Variants in ZFP69 observed in about 807,000 individuals in gnomAD.
ZFP69 encodes ZFP69 zinc finger protein, also known as zinc finger protein 69 homolog.
In ZFP69, 35 loss-of-function variants were observed where a neutral mutation model predicts 48.9. The observed-to-expected ratio is 0.72, with a 90% CI of 0.55 to 0.95. The LOEUF (loss-of-function observed/expected upper bound fraction) is 0.95, where lower values mean the gene tolerates loss of function less well. ZFP69 is among the 40% of genes least tolerant of loss of function. The pLI, the probability that ZFP69 is intolerant of heterozygous loss-of-function variation, is 0.00. For synonymous variants in ZFP69, 193 were observed against 216.8 expected, an observed-to-expected ratio of 0.89 and a Z score of 0.96; for missense variants, 557 against 638.4, an observed-to-expected ratio of 0.87 and a Z score of 1.37.
At chr1:40,491,785 G>GTGTGTATGTA (rs1553129570) in intron 5 of ZFP69, among the ~76,000 whole-genome samples, 3 of 148,752 alleles carry the variant, frequency 2.0e-5, no homozygotes, top group African/African-American at 7.5e-5. Context: ...GTGTGTGTGT[G>GTGTGTATGTA]TATATATATA....
chr1:40,484,883 C>CTTTTT lies in ZFP69; in HGVS notation c.219+3051_219+3055dup, dbSNP rs71060386. ...GGCATGAGCCACTGCGCCTGGCCTG[C>CTTTTT]TTTTTTTTTTTTTTTTTTTTTTTTT... On this transcript the variant is annotated intron_variant, in intron 3 of 5. Transcript: ENST00000372706. Among the ~76,000 whole-genome samples, 37 of 44,384 alleles carry CTTTTT rather than the reference C, an allele frequency of 8.3e-4. 12 individuals carry two copies. The highest frequency in any genetic ancestry group is 3.9e-3 in the African/African-American group (35 of 9,046). 29.1% of individuals were successfully genotyped at this position (44,384 alleles called of 152,430 possible). A position where few individuals can be genotyped will look rare whatever the true frequency, so the allele number is the denominator to read the frequency against.
At chr1:40,494,307 C>G (rs1279171980) in intron 5 of ZFP69, among the ~76,000 whole-genome samples, 1 of 112,884 alleles carries the variant, frequency 8.9e-6, no homozygotes, top group Admixed American at 1.3e-4. Context: ...CTCGCTCTGT[C>G]GCCCAGGCTG....
rs1645627816 is a variant in ZFP69, at chr1:40,495,855, T to C, written c.1377T>C (p.Thr459=). 4 of 1,614,140 alleles carry C rather than the reference T, an allele frequency of 2.5e-6. No individual in the cohort carries two copies. The highest frequency in any genetic ancestry group is 2.5e-6 in the Non-Finnish European group (3 of 1,180,026). Residue 459 remains threonine, a synonymous_variant, in exon 6 of 6, where the codon ACT becomes ACC. Transcript: ENST00000372706. ...GGATACACCTTAGCAACCATAAAAC[T>C]GTTCATACAGGAGTGAAAGCATATG... The part of the protein sequence containing the change: ...RQRIHLSNHK[T]VHTGVKAYEC...
rs1238473608 is a variant in ZFP69 at position 40,494,918 on chromosome 1, C to T, written c.443-3C>T. 1.9e-6 allele frequency: 3 copies of T among 1,591,228 alleles called. No individual in the cohort carries two copies. The highest frequency in any genetic ancestry group is 1.9e-5 in the Admixed American group (1 of 53,864). ...TTTTAAAGCTTTTTTTCATTTCTTT[C>T]AGACTTGAAGAGTAAAATAGAAACC... is the stretch of plus-strand genomic sequence containing the variant. On this transcript the variant is annotated splice_polypyrimidine_tract_variant and splice_region_variant and intron_variant, in intron 5 of 5. Transcript: ENST00000372706.
intron 5 of ZFP69, among the ~76,000 whole-genome samples, chr1:40,491,738 T>C (rs1198235256): frequency 3.4e-5 from 5 of 148,364 alleles, no homozygotes; most frequent in Admixed American, 6.9e-5. Flanking sequence ...TTCTTATTGA[T>C]TGGTAGAAAA....
At position 40,479,251 on chromosome 1, in the gene ZFP69, T is replaced by A. The variant is rs1645419954; in HGVS notation, c.-111T>A. ...GTGCTGCAGGGACACACCAGAGTCC[T>A]GAGGGCAGGTGATTGGAATCTGAGC... On this transcript the variant is annotated 5_prime_UTR_variant, in exon 2 of 6. Transcript: ENST00000372706. 6.8e-7 allele frequency: 1 copy of A among 1,470,168 alleles called. No homozygotes were observed. The highest frequency in any genetic ancestry group is 9.4e-7 in the Non-Finnish European group (1 of 1,062,024). 91.1% of individuals were successfully genotyped at this position (1,470,168 alleles called of 1,614,324 possible). A position where few individuals can be genotyped will look rare whatever the true frequency, so the allele number is the denominator to read the frequency against.
rs56706952 is a variant in ZFP69, at chr1:40,483,226, ATTTTT to A, written c.219+1388_219+1392del. Among the ~76,000 whole-genome samples the A allele has an allele frequency of 6.0e-5, 7 of 116,958 alleles. 1 individual carries two copies. The highest frequency in any genetic ancestry group is 2.2e-4 in the African/African-American group (6 of 27,262). The allele number at this position is 116,958 out of a possible 152,430, so 76.7% of individuals were successfully genotyped here. A position where few individuals can be genotyped will look rare whatever the true frequency, so the allele number is the denominator to read the frequency against. The stretch of plus-strand genomic sequence containing the variant: ...AAAATCAAACCATACACCTTTTTTA[ATTTTT>A]TTTTTTTTTTTTTTTAGAGACTGAG... On this transcript the variant is annotated intron_variant, in intron 3 of 5. Transcript: ENST00000372706.
At position 40,477,373 on chromosome 1, in the gene ZFP69, G is replaced by A. The variant is rs761074834; in HGVS notation, c.-848G>A. The A allele has an allele frequency of 2.6e-5, 4 of 152,188 alleles. No individual in the cohort carries two copies. Among genetic ancestry groups the A allele is most frequent in the African/African-American group, 9.7e-5 (4 of 41,440 alleles). The allele number at this position is 152,188 out of a possible 1,614,324, so 9.4% of individuals were successfully genotyped here. ...CCCGGGACCGCCAGGGCTGCAGCGA[G>A]AGCGGCCGGCGGTGCAAGCGGCCGG... On this transcript the variant is annotated 5_prime_UTR_variant, in exon 1 of 6. Transcript: ENST00000372706. This position sits in a 1 kb window ranked among gnomAD's most constrained non-coding sequence, Gnocchi z 4.0.
At chr1:40,482,132 A>G (rs926337259) in intron 3 of ZFP69, among the ~76,000 whole-genome samples, 3 of 151,640 alleles carry the variant, frequency 2.0e-5, no homozygotes, top group Admixed American at 6.6e-5. Flanking sequence ...GTGAAATGAG[A>G]GATATAATTC....
intron 5 of ZFP69, among the ~76,000 whole-genome samples, chr1:40,492,436 C>A (rs925671311): frequency 2.6e-5 from 4 of 151,992 alleles, no homozygotes; most frequent in African/African-American, 7.3e-5. Context: ...CTTTTTCTGT[C>A]GTGTTTCTCT....
intron 5 of ZFP69, chr1:40,490,913 C>T (rs867717353): frequency 4.6e-5 from 7 of 152,158 alleles, no homozygotes; most frequent in Non-Finnish European, 7.3e-5. Flanking sequence ...GCATAGAAAA[C>T]ATTATAACAC....
chr1:40,483,226 A>ATTTTTTTT (rs56706952), intron 3 of ZFP69, among the ~76,000 whole-genome samples: 2,991 of 116,736 alleles, frequency 0.026, 340 homozygotes, highest in African/African-American at 0.1. Context: ...ACCTTTTTTA[A>ATTTTTTTT]TTTTTTTTTT....
rs756573974 is a variant in ZFP69 at position 40,495,039 on chromosome 1, G to A, written c.561G>A (p.Thr187=). 98 of 1,613,840 alleles carry A rather than the reference G, an allele frequency of 6.1e-5. No homozygotes were observed. The highest frequency in any genetic ancestry group is 3.3e-4 in the Middle Eastern group (2 of 6,080). ...SFMRDDIIYS[T]LRKVSTYDDV... is the part of the protein sequence containing the mutation. ...TGAGGGATGATATAATTTATTCCACGTTGAGAAAAGTCTCCACATATGATG... is the reference window on the plus strand; with the variant it reads ...TGAGGGATGATATAATTTATTCCACATTGAGAAAAGTCTCCACATATGATG... Residue 187 remains threonine, a synonymous_variant, in exon 6 of 6, where the codon ACG becomes ACA. Transcript: ENST00000372706.
Position 40,496,156 on chromosome 1 carries a change from G to T in ZFP69, c.*97G>T. The T allele has an allele frequency of 7.8e-7, 1 of 1,278,284 alleles. No individual in the cohort carries two copies. The highest frequency in any genetic ancestry group is 1.1e-6 in the Non-Finnish European group (1 of 937,764). The allele number at this position is 1,278,284 out of a possible 1,614,324, so 79.2% of individuals were successfully genotyped here. On this transcript the variant is annotated 3_prime_UTR_variant, in exon 6 of 6. Coordinates refer to ENST00000372706, the MANE Select transcript of ZFP69 (RefSeq NM_001320179.2). ...CTCAGATATGAGGAATTGATGTAAT[G>T]ATGCCAACTTTTAATTTTTCCCATT... is the stretch of plus-strand genomic sequence containing the variant.
rs1298188852 is a variant in ZFP69, at chr1:40,495,165, TATC to T, written c.690_692del (p.Ile231del). The T allele has an allele frequency of 6.2e-7, 1 of 1,614,072 alleles. No individual in the cohort carries two copies. Among genetic ancestry groups the T allele is most frequent in the South Asian group, 1.1e-5 (1 of 91,084 alleles). ...AAGAAACTAACAAATTTGGGGAAAATATCATTGTGCATTCAAATGTTATTATTG... is the reference window on the plus strand; with the variant it reads ...AAGAAACTAACAAATTTGGGGAAAATATTGTGCATTCAAATGTTATTATTG... On this transcript the variant is annotated inframe_deletion, in exon 6 of 6. Transcript: ENST00000372706.
intron 3 of ZFP69, among the ~76,000 whole-genome samples, chr1:40,484,654 C>T (rs1435583200): frequency 2.6e-5 from 4 of 151,500 alleles, no homozygotes; most frequent in Non-Finnish European, 5.9e-5. Context: ...AATCTTGGCT[C>T]ATTGCAACCT....
rs773896680 is a variant in ZFP69, at chr1:40,495,445, G to A, written c.967G>A (p.Gly323Ser). 6.8e-6 allele frequency: 11 copies of A among 1,614,180 alleles called. No homozygotes were observed. Among genetic ancestry groups the A allele is most frequent in the Non-Finnish European group, 9.3e-6 (11 of 1,180,026 alleles). Residue 323 changes from glycine to serine, a missense_variant, in exon 6 of 6, where the codon GGT becomes AGT. By Grantham distance (56) the Gly-to-Ser change is moderately conservative. Transcript: ENST00000372706. ...CAGTACACACCAGAGAATCCATACT[G>A]GTGAGAAACCCTTTGAATGTGAGGA... ...SLSTHQRIHT[G>S]EKPFECEECG...
At chr1:40,480,541 A>C (rs2124440013) in intron 2 of ZFP69, among the ~76,000 whole-genome samples, 1 of 151,920 alleles carries the variant, frequency 6.6e-6, no homozygotes, top group African/African-American at 2.4e-5. Context: ...TTTTGAAAGA[A>C]CATTTTAGTC....
chr1:40,482,363 G>A (rs756858643), intron 3 of ZFP69, among the ~76,000 whole-genome samples: 27 of 152,172 alleles, frequency 1.8e-4, no homozygotes, highest in East Asian at 7.7e-4. Flanking sequence ...CACATCAGAC[G>A]GGCTGGCCAG....
Sources: allele counts gnomAD v4.1 joint callset (sites outside exome capture counted in the v4.1 genomes callset), GRCh38; gene constraint gnomAD v4.1.1; non-coding constraint Gnocchi (gnomAD v3.1); transcripts MANE v1.5; gene names NCBI Gene and HGNC (gene_info 2026-07-23, HGNC 2026-07-21).